FANCC: variants seen among roughly 807,000 people sequenced by gnomAD.
FANCC encodes Fanconi anemia group C protein.
Under a neutral mutation model 71.3 loss-of-function variants are expected in FANCC, and 55 were observed. That is an observed-to-expected ratio of 0.77 (90% CI 0.62 to 0.97). The LOEUF is 0.97. FANCC is among the 50% of genes least tolerant of loss of function. The pLI, the probability that FANCC is intolerant of heterozygous loss-of-function variation, is 0.00. For synonymous variants in FANCC, 275 were observed against 244.9 expected (o/e 1.12, Z -1.15); for missense variants, 678 against 670.9 (o/e 1.01, Z -0.12).
chr9:95,141,892 T>C (rs879417551), intron 7 of FANCC, among the ~76,000 whole-genome samples: 4 of 151,898 alleles, frequency 2.6e-5, no homozygotes, highest in African/African-American at 4.8e-5. Context: ...GGGAAAAATA[T>C]GAGTTTGCAA....
chr9:95,162,828 C>T (rs546346886), intron 6 of FANCC, among the ~76,000 whole-genome samples: 14 of 152,234 alleles, frequency 9.2e-5, no homozygotes, highest in African/African-American at 3.4e-4. Flanking sequence ...TGTTGAGTTG[C>T]AGGAATTCTC....
At chr9:95,127,023 A>G (rs1179789794) in intron 8 of FANCC, 2 of 191,876 alleles carry the variant, frequency 1.0e-5, no homozygotes, top group South Asian at 1.1e-4. Context: ...TAATGGGTAC[A>G]TAACAATTTA....
At chr9:95,168,929 A>AGGG (rs1321136251) in intron 6 of FANCC, among the ~76,000 whole-genome samples, 3 of 152,164 alleles carry the variant, frequency 2.0e-5, no homozygotes, top group Admixed American at 6.5e-5. Context: ...TATCCATAAT[A>AGGG]TATACACTAC....
rs1835843721 is a variant in FANCC, at chr9:95,317,524, A to C, written c.-79+2T>G. The C allele has an allele frequency of 6.6e-6, 1 of 152,234 alleles. No homozygotes were observed. Among genetic ancestry groups the C allele is most frequent in the Admixed American group, 6.5e-5 (1 of 15,288 alleles). 9.4% of individuals were successfully genotyped at this position (152,234 alleles called of 1,614,324 possible). A position where few individuals can be genotyped will look rare whatever the true frequency, so the allele number is the denominator to read the frequency against. ...CGCTGCGTTCTGCGGCCTGCCGCTTACCGGGTGGTCCTCGCGGGAGCTGCT... is the reference window on the plus strand; with the variant it reads ...CGCTGCGTTCTGCGGCCTGCCGCTTCCCGGGTGGTCCTCGCGGGAGCTGCT... On this transcript the variant is annotated splice_donor_variant, in intron 1 of 14. Coordinates refer to ENST00000289081, the MANE Select transcript of FANCC (RefSeq NM_000136.3). LOFTEE classifies it low-confidence loss of function (5UTR_SPLICE).
intron 4 of FANCC, among the ~76,000 whole-genome samples, chr9:95,174,726 C>T (rs1825904097): frequency 6.6e-6 from 1 of 152,084 alleles, no homozygotes; most frequent in African/African-American, 2.4e-5. Flanking sequence ...TGCATCTGTG[C>T]ATATAAATGT....
chr9:95,254,697 C>T (rs1444176331), intron 1 of FANCC, among the ~76,000 whole-genome samples: 1 of 152,184 alleles, frequency 6.6e-6, no homozygotes, highest in Non-Finnish European at 1.5e-5. Flanking sequence ...TTTTCATACA[C>T]CAGTGGCACC....
intron 7 of FANCC, among the ~76,000 whole-genome samples, chr9:95,148,568 A>G (rs1453584569): frequency 2.0e-5 from 3 of 152,238 alleles, no homozygotes; most frequent in Non-Finnish European, 4.4e-5. Context: ...CAGCTTCCCA[A>G]TACTTAAAGT....
At chr9:95,180,683 A>G (rs1345989201) in intron 4 of FANCC, among the ~76,000 whole-genome samples, 1 of 151,936 alleles carries the variant, frequency 6.6e-6, no homozygotes, top group Non-Finnish European at 1.5e-5. Flanking sequence ...AAAATAACAA[A>G]AAGTATAGTA....
chr9:95,139,236 C>T (rs1201551870), intron 7 of FANCC, among the ~76,000 whole-genome samples: 2 of 152,100 alleles, frequency 1.3e-5, no homozygotes, highest in African/African-American at 2.4e-5. Flanking sequence ...GGAAACGCAC[C>T]GACGTGGTCT....
intron 4 of FANCC, among the ~76,000 whole-genome samples, chr9:95,217,213 T>TG (rs1184253364): frequency 6.6e-6 from 1 of 152,138 alleles, no homozygotes; most frequent in Non-Finnish European, 1.5e-5. Flanking sequence ...AGGCCGGGCC[T>TG]GGGGGCTCAC....
intron 4 of FANCC, among the ~76,000 whole-genome samples, chr9:95,201,342 G>A (rs1036233495): frequency 2.0e-5 from 3 of 152,050 alleles, no homozygotes; most frequent in Admixed American, 6.6e-5. Context: ...AATAAACCAT[G>A]CTGCTACTGT....
chr9:95,271,057 G>C (rs1364015380), intron 1 of FANCC, among the ~76,000 whole-genome samples: 1 of 152,130 alleles, frequency 6.6e-6, no homozygotes, highest in Non-Finnish European at 1.5e-5. Context: ...ATCAACCAAG[G>C]ACAGTCGTGC....
intron 6 of FANCC, among the ~76,000 whole-genome samples, chr9:95,166,759 T>C (rs533631592): frequency 3.9e-4 from 59 of 152,282 alleles, no homozygotes; most frequent in Admixed American, 7.2e-4. Flanking sequence ...CAGTTTACTA[T>C]GGGACTGGAG....
At chr9:95,127,022 C>T (rs1826092875) in intron 8 of FANCC, 1 of 193,774 alleles carries the variant, frequency 5.2e-6, no homozygotes, top group Non-Finnish European at 1.1e-5. Flanking sequence ...GTAATGGGTA[C>T]ATAACAATTT....
Position 95,173,704 on chromosome 9 carries a change from C to T in FANCC, c.346-1557G>A, listed in dbSNP as rs549556831. Among the ~76,000 whole-genome samples, 30 of 152,130 alleles carry T rather than the reference C, an allele frequency of 2.0e-4. No homozygotes were observed. In the South Asian group the frequency reaches 5.4e-3, roughly 27 times the overall value. On this transcript the variant is annotated intron_variant, in intron 4 of 14. Transcript: ENST00000289081. ...GCCGAGACGGGCAGATCACTTGAGC[C>T]CAGGAGTTCGAGACTAGCCTGGGCA...
intron 3 of FANCC, among the ~76,000 whole-genome samples, chr9:95,241,630 C>A (rs1404277063): frequency 6.6e-6 from 1 of 152,140 alleles, no homozygotes; most frequent in African/African-American, 2.4e-5. Flanking sequence ...GTACTCTCTG[C>A]CACCTCATCT....
chr9:95,210,440 G>C (rs1217884219), intron 4 of FANCC, among the ~76,000 whole-genome samples: 7 of 151,950 alleles, frequency 4.6e-5, no homozygotes, highest in Admixed American at 3.9e-4. Flanking sequence ...CAGAAACTCA[G>C]TTCCCTAACA....
intron 4 of FANCC, among the ~76,000 whole-genome samples, chr9:95,235,654 G>C (rs866883899): frequency 2.6e-5 from 4 of 151,962 alleles, no homozygotes; most frequent in African/African-American, 9.7e-5. Context: ...AGACCAGCCC[G>C]ACCAACATGG....
chr9:95,164,340 G>T (rs1280974426), intron 6 of FANCC, among the ~76,000 whole-genome samples: 1 of 152,074 alleles, frequency 6.6e-6, no homozygotes, highest in Admixed American at 6.5e-5. Context: ...AATACAAGTG[G>T]TAAGAGAGGA....
Sources: gnomAD v4.1 joint callset for allele counts (sites outside exome capture counted in the v4.1 genomes callset) on GRCh38, gnomAD v4.1.1 for gene constraint, MANE v1.5 for transcripts, NCBI Gene and HGNC (gene_info 2026-07-23, HGNC 2026-07-21) for gene names.